PCDH11Y: variants seen among roughly 807,000 people sequenced by gnomAD.
PCDH11Y encodes the protein protocadherin 11 Y-linked.
For synonymous variants in PCDH11Y, 9 were observed against 83.6 expected (o/e 0.11, Z 4.87); for missense variants, 12 against 224.8 (o/e 0.05, Z 6.05).
At chrY:5,218,026 G>C in intron 2 of PCDH11Y, among the ~76,000 whole-genome samples, 4 of 33,193 alleles carry the variant, frequency 1.2e-4, no homozygotes, top group Non-Finnish European at 3.0e-4. Context: ...ATAGAAAAAA[G>C]CTGCTATGAC....
At chrY:5,577,071 T>A (rs2053446905) in intron 3 of PCDH11Y, among the ~76,000 whole-genome samples, 1 of 33,178 alleles carries the variant, frequency 3.0e-5, no homozygotes, top group African/African-American at 1.2e-4. Flanking sequence ...ATTCTTCATG[T>A]GTATATTGAG....
intron 1 of PCDH11Y, among the ~76,000 whole-genome samples, chrY:5,081,422 G>A: frequency 3.2e-5 from 1 of 31,347 alleles, no homozygotes; most frequent in African/African-American, 1.3e-4. Context: ...GCCAATGGTA[G>A]TTTAATGGGA....
intron 2 of PCDH11Y, among the ~76,000 whole-genome samples, chrY:5,417,570 G>C: frequency 3.1e-5 from 1 of 32,758 alleles, no homozygotes; most frequent in African/African-American, 1.2e-4. Context: ...TGGAAGAAGA[G>C]AAGCCAGAAA....
At chrY:5,631,003 G>A in intron 4 of PCDH11Y, among the ~76,000 whole-genome samples, 10 of 32,476 alleles carry the variant, frequency 3.1e-4, no homozygotes, top group African/African-American at 1.2e-3. Flanking sequence ...ATTATCAAAA[G>A]CTATCAAGGA....
chrY:5,388,194 C>T, intron 2 of PCDH11Y, among the ~76,000 whole-genome samples: 1 of 30,019 alleles, frequency 3.3e-5, no homozygotes, highest in Non-Finnish European at 8.0e-5. Flanking sequence ...CAGGAGACTT[C>T]GCATTTGGTT....
intron 3 of PCDH11Y, among the ~76,000 whole-genome samples, chrY:5,046,547 G>A: frequency 5.8e-5 from 2 of 34,253 alleles, no homozygotes; most frequent in Admixed American, 5.2e-4. Flanking sequence ...AGTCTGCGGA[G>A]GTTACTGCTT....
chrY:5,144,180 CATTA>C (rs2052854129), intron 2 of PCDH11Y, among the ~76,000 whole-genome samples: 6 of 32,833 alleles, frequency 1.8e-4, no homozygotes, highest in Admixed American at 5.6e-4. Flanking sequence ...TTGTATACTG[CATTA>C]ATTATTTACA....
At chrY:5,037,916 C>A (rs2124622529) in intron 3 of PCDH11Y, among the ~76,000 whole-genome samples, 1 of 32,760 alleles carries the variant, frequency 3.1e-5, no homozygotes, top group Admixed American at 2.9e-4. Flanking sequence ...TTTTTCTCTA[C>A]GTTTTTAAAA....
At chrY:5,574,280 G>T in intron 3 of PCDH11Y, 1 of 339,759 alleles carries the variant, frequency 2.9e-6, no homozygotes, top group East Asian at 9.5e-5. Flanking sequence ...ACCACCTACC[G>T]CCGCCTGCTG....
chrY:5,631,611 AT>A (rs2053512348), intron 4 of PCDH11Y, among the ~76,000 whole-genome samples: 1 of 33,362 alleles, frequency 3.0e-5, no homozygotes, highest in African/African-American at 1.2e-4. Flanking sequence ...ATGTTAAAAT[AT>A]TTTTAGAGAG....
At chrY:5,108,675 A>C, downstream of PCDH11Y, among the ~76,000 whole-genome samples, 1 of 24,090 alleles carries the variant, frequency 4.2e-5, no homozygotes, top group African/African-American at 1.7e-4. Flanking sequence ...CGAACCCGGG[A>C]GGCGGAGCCT....
At chrY:5,095,570 C>G in intron 1 of PCDH11Y, among the ~76,000 whole-genome samples, 1 of 32,442 alleles carries the variant, frequency 3.1e-5, no homozygotes, top group Admixed American at 2.8e-4. Context: ...GGATTTGAAC[C>G]TTCCTAAAAA....
chrY:5,593,402 T>C, intron 4 of PCDH11Y, among the ~76,000 whole-genome samples: 13 of 33,627 alleles, frequency 3.9e-4, no homozygotes, highest in Non-Finnish European at 8.8e-4. Flanking sequence ...TGTTTGTTAG[T>C]TGTTGCATCA....
chrY:5,701,869 C>G, intron 4 of PCDH11Y, among the ~76,000 whole-genome samples: 4 of 33,667 alleles, frequency 1.2e-4, no homozygotes, highest in Admixed American at 2.7e-4. Context: ...TGCAAAGCCA[C>G]AGGGGTGGAG....
At chrY:5,650,248 T>C in intron 4 of PCDH11Y, among the ~76,000 whole-genome samples, 1 of 33,213 alleles carries the variant, frequency 3.0e-5, no homozygotes, top group African/African-American at 1.2e-4. Flanking sequence ...AGAAAAACAC[T>C]AGAAATAGAA....
chrY:5,441,093 G>C, intron 2 of PCDH11Y, among the ~76,000 whole-genome samples: 1 of 32,169 alleles, frequency 3.1e-5, no homozygotes, highest in African/African-American at 1.2e-4. Flanking sequence ...TCTCTCATCA[G>C]TATTCTCAGG....
intron 4 of PCDH11Y, among the ~76,000 whole-genome samples, chrY:5,624,311 G>GT (rs2053504041): frequency 1.2e-4 from 3 of 24,273 alleles, no homozygotes; most frequent in African/African-American, 4.9e-4. Context: ...GCTGATAGTT[G>GT]TTTTTTTTCT....
chrY:5,330,596 A>G (rs2053130254), intron 2 of PCDH11Y, among the ~76,000 whole-genome samples: 1 of 34,426 alleles, frequency 2.9e-5, no homozygotes, highest in Non-Finnish European at 7.3e-5. Context: ...AATGGTAAAT[A>G]GTGCTGTAAT....
chrY:5,096,438 CGT>C (rs367616063), intron 1 of PCDH11Y, among the ~76,000 whole-genome samples: 1,637 of 19,620 alleles, frequency 0.083, no homozygotes, highest in East Asian at 0.46. Context: ...TTTAGATGTA[CGT>C]GTGTGTGTGT....
Sources: allele counts gnomAD v4.1 joint callset (sites outside exome capture counted in the v4.1 genomes callset), GRCh38; gene constraint gnomAD v4.1.1; transcripts MANE v1.5; gene names NCBI Gene and HGNC (gene_info 2026-07-23, HGNC 2026-07-21).